The following CHP1 variants were observed in gnomAD, a reference collection of about 807,000 sequenced individuals.
CHP1 encodes calcineurin B homologous protein 1.
A neutral mutation model predicts 27.4 loss-of-function variants in CHP1; 11 were observed. The observed-to-expected ratio is 0.40, with a 90% CI of 0.25 to 0.67. The LOEUF (loss-of-function observed/expected upper bound fraction) is 0.67. CHP1 is among the 30% of genes least tolerant of loss of function. The pLI, the probability that CHP1 is intolerant of heterozygous loss-of-function variation, is 0.38. For missense variants in CHP1, 169 were observed against 251.3 expected (o/e 0.67, Z 2.22); for synonymous variants, 89 against 87.4 (o/e 1.02, Z -0.10).
intron 5 of CHP1, among the ~76,000 whole-genome samples, chr15:41,274,073 G>A (rs1000224084): frequency 2.0e-5 from 3 of 151,710 alleles, no homozygotes; most frequent in African/African-American, 4.8e-5. Context: ...TGATTCTCCC[G>A]CCTCAGCCTC....
intron 5 of CHP1, among the ~76,000 whole-genome samples, chr15:41,273,518 A>T (rs1213657716): frequency 6.6e-6 from 1 of 151,948 alleles, no homozygotes; most frequent in East Asian, 1.9e-4. Context: ...TGTAGCTGGG[A>T]TTATAGGCAT....
intron 2 of CHP1, among the ~76,000 whole-genome samples, chr15:41,246,469 G>A (rs1381499354): frequency 1.3e-5 from 2 of 151,320 alleles, no homozygotes; most frequent in Non-Finnish European, 2.9e-5. Flanking sequence ...ACAGGCGCAT[G>A]ACACCACGCC....
intron 6 of CHP1, 60 bp from the exon 7 acceptor site, chr15:41,279,276 G>T: frequency 1.5e-6 from 2 of 1,304,602 alleles, no homozygotes; most frequent in Non-Finnish European, 2.2e-6. Flanking sequence ...ACTCAGATAA[G>T]AGCTTGGGAG....
intron 2 of CHP1, among the ~76,000 whole-genome samples, chr15:41,253,120 G>A (rs1459442526): frequency 1.3e-5 from 2 of 151,436 alleles, no homozygotes; most frequent in African/African-American, 2.4e-5. Context: ...TGTGTTTTTA[G>A]TAGAGACGGG....
chr15:41,245,333 C>T (rs1395235935), intron 2 of CHP1, among the ~76,000 whole-genome samples: 1 of 150,310 alleles, frequency 6.7e-6, no homozygotes, highest in Non-Finnish European at 1.5e-5. Context: ...TGGTGGTGGG[C>T]GCCTGTGCGT....
intron 2 of CHP1, among the ~76,000 whole-genome samples, chr15:41,249,462 C>CTTTTTTTT (rs1163537727): frequency 1.3e-5 from 1 of 78,480 alleles, no homozygotes; most frequent in Non-Finnish European, 2.3e-5. Flanking sequence ...CCTTCACCTT[C>CTTTTTTTT]TTTTTTTTTT....
At chr15:41,257,031 C>A in intron 3 of CHP1, 41 bp downstream of exon 3, 1 of 1,464,592 alleles carries the variant, frequency 6.8e-7, no homozygotes, top group Non-Finnish European at 9.5e-7. Flanking sequence ...CTGAGGCTAT[C>A]ACAACCTAAA....
At chr15:41,257,856 A>C (rs900266525) in intron 3 of CHP1, among the ~76,000 whole-genome samples, 1 of 152,192 alleles carries the variant, frequency 6.6e-6, no homozygotes, top group Non-Finnish European at 1.5e-5. Context: ...CACCATGCCC[A>C]GCCTACATTT....
chr15:41,263,513 A>G (rs764646391), intron 4 of CHP1, among the ~76,000 whole-genome samples: 7 of 152,190 alleles, frequency 4.6e-5, no homozygotes, highest in Non-Finnish European at 8.8e-5. Flanking sequence ...CCCTTACAAC[A>G]CTTCTCCAGG....
intron 3 of CHP1, among the ~76,000 whole-genome samples, chr15:41,260,242 T>C (rs1595478397): frequency 6.6e-6 from 1 of 151,938 alleles, no homozygotes; most frequent in East Asian, 1.9e-4. Flanking sequence ...TTATGTTACA[T>C]GGGGCATTCT....
chr15:41,279,210 CAAAA>C, intron 6 of CHP1, 122 bp from the exon 7 acceptor site: 555 of 592,916 alleles, frequency 9.4e-4, no homozygotes, highest in South Asian at 1.5e-3. Context: ...ACTCTGCCTC[CAAAA>C]AAAAAAAAAA....
chr15:41,278,685 G>A, intron 5 of CHP1, 82 bp from the exon 6 acceptor site: 1 of 1,555,614 alleles, frequency 6.4e-7, no homozygotes, highest in Admixed American at 1.8e-5. Flanking sequence ...AAAGGAGGAT[G>A]GTGATAGCTT....
rs369955496 is a variant in CHP1 at position 41,269,206 on chromosome 15, AAAAT to A, written c.350-1339_350-1336del. Among the ~76,000 whole-genome samples the A allele has an allele frequency of 4.4e-4, 67 of 152,268 alleles. 1 individual carries two copies. The East Asian group carries it at 7.9e-3, about 18-fold the overall frequency. ...AGACAGAGCAGGACCCTGTCTGAAA[AAAAT>A]AAATAAATAAAATAAAATAAACCAA... On this transcript the variant is annotated intron_variant, in intron 4 of 6. Coordinates refer to ENST00000334660, the MANE Select transcript of CHP1 (RefSeq NM_007236.5).
intron 4 of CHP1, among the ~76,000 whole-genome samples, chr15:41,263,845 A>G (rs1294156275): frequency 6.6e-6 from 1 of 152,220 alleles, no homozygotes; most frequent in Non-Finnish European, 1.5e-5. Context: ...ACTGCACTTC[A>G]GCCCAGGTGA....
intron 3 of CHP1, among the ~76,000 whole-genome samples, chr15:41,261,311 C>T (rs865928054): frequency 1.5e-4 from 23 of 151,938 alleles, no homozygotes; most frequent in African/African-American, 5.5e-4. Context: ...CCCACTACCA[C>T]GTCCAGCTAA....
intron 3 of CHP1, among the ~76,000 whole-genome samples, chr15:41,259,333 A>G (rs2047419337): frequency 6.6e-6 from 1 of 152,206 alleles, no homozygotes; most frequent in African/African-American, 2.4e-5. Flanking sequence ...TGTGACTACA[A>G]TATCACCTGT....
At chr15:41,237,985 G>A (rs976412716) in intron 1 of CHP1, among the ~76,000 whole-genome samples, 4 of 152,202 alleles carry the variant, frequency 2.6e-5, no homozygotes, top group African/African-American at 9.7e-5. Flanking sequence ...TTACAGGCAT[G>A]AGCCACCATG....
intron 5 of CHP1, among the ~76,000 whole-genome samples, chr15:41,273,823 T>C (rs535332799): frequency 4.0e-4 from 60 of 151,578 alleles, no homozygotes; most frequent in African/African-American, 1.4e-3. Flanking sequence ...CTCCTGTAAT[T>C]CCAGCTACTC....
rs2047535667 is a variant in CHP1 at position 41,279,524 on chromosome 15, A to G, written c.*135A>G. On this transcript the variant is annotated 3_prime_UTR_variant, in exon 7 of 7. Transcript: ENST00000334660. ...CTGCTGTTGCATGACAACCCCAAAT[A>G]TGTTCTGTCAACACAAACCTGCCTT... 3 of 696,888 alleles carry G rather than the reference A, an allele frequency of 4.3e-6. No homozygotes were observed. The highest frequency in any genetic ancestry group is 7.6e-6 in the Non-Finnish European group (3 of 395,740). The allele number at this position is 696,888 out of a possible 1,614,324, so 43.2% of individuals were successfully genotyped here.
Sources: allele counts gnomAD v4.1 joint callset (sites outside exome capture counted in the v4.1 genomes callset), GRCh38; gene constraint gnomAD v4.1.1; transcripts MANE v1.5; gene names NCBI Gene and HGNC (gene_info 2026-07-23, HGNC 2026-07-21).